Variants in UGT2A1 observed in about 807,000 individuals in gnomAD.
The protein encoded by UGT2A1 is UDP glucuronosyltransferase family 2 member A1 complex locus.
Under a neutral mutation model 45.4 loss-of-function variants are expected in UGT2A1, and 61 were observed. The ratio of observed to expected loss-of-function variants is 1.34; its 90% CI spans 1.09 to 1.66. The LOEUF (loss-of-function observed/expected upper bound fraction) is 1.66, where lower values mean the gene tolerates loss of function less well. Ranked by LOEUF, UGT2A1 falls within the 40% of genes most tolerant of loss-of-function variation. UGT2A1 has a pLI of 0.00. For missense variants in UGT2A1, 649 were observed against 574.3 expected (o/e 1.13, Z -1.33); for synonymous variants, 229 against 196.2 (o/e 1.17, Z -1.40).
At chr4:69,607,403 T>C (rs575455885) in intron 3 of UGT2A1, among the ~76,000 whole-genome samples, 1 of 151,856 alleles carries the variant, frequency 6.6e-6, no homozygotes, top group Non-Finnish European at 1.5e-5. Flanking sequence ...CCTTACACCT[T>C]ATACAAAAAT....
At chr4:69,627,150 A>G (rs1025738763) in intron 3 of UGT2A1, among the ~76,000 whole-genome samples, 1 of 151,916 alleles carries the variant, frequency 6.6e-6, no homozygotes, top group African/African-American at 2.4e-5. Flanking sequence ...AACATTTTCT[A>G]TTATCTATTT....
Position 69,609,214 on chromosome 4 carries a change from G to A in UGT2A1, c.848-9820C>T, listed in dbSNP as rs1021950326. Among the ~76,000 whole-genome samples, 16 of 150,426 alleles carry A rather than the reference G, an allele frequency of 1.1e-4. 1 individual carries two copies. The highest frequency in any genetic ancestry group is 7.3e-4 in the Admixed American group (11 of 15,062). ...GTCTTCCAGGCTGGAATGCAGTGGT[G>A]CCAACACAGCTCACTGCAGCCTTGA... On this transcript the variant is annotated intron_variant, in intron 3 of 6. Coordinates refer to ENST00000286604, the MANE Select transcript of UGT2A1 (RefSeq NM_001252275.3).
At chr4:69,641,617 A>C (rs1722052401) in intron 2 of UGT2A1, among the ~76,000 whole-genome samples, 2 of 151,988 alleles carry the variant, frequency 1.3e-5, no homozygotes, top group South Asian at 2.1e-4. Context: ...AAAAGCTTAA[A>C]TTTAGATGTA....
intron 3 of UGT2A1, among the ~76,000 whole-genome samples, chr4:69,623,960 G>A (rs936928007): frequency 2.0e-5 from 3 of 151,566 alleles, no homozygotes; most frequent in Non-Finnish European, 3.0e-5. Flanking sequence ...GCATCTTATA[G>A]ATTGTGAAAT....
chr4:69,621,905 C>T (rs1057377350), intron 3 of UGT2A1, among the ~76,000 whole-genome samples: 1 of 151,630 alleles, frequency 6.6e-6, no homozygotes, highest in Non-Finnish European at 1.5e-5. Flanking sequence ...CTAATGCAGA[C>T]ACAGAACACC....
intron 2 of UGT2A1, among the ~76,000 whole-genome samples, chr4:69,637,032 C>T (rs1202727453): frequency 6.6e-6 from 1 of 152,000 alleles, no homozygotes; most frequent in Non-Finnish European, 1.5e-5. Flanking sequence ...AATCACTATC[C>T]AATACATAGC....
chr4:69,623,494 T>TA (rs35302832), intron 3 of UGT2A1, among the ~76,000 whole-genome samples: 2 of 151,672 alleles, frequency 1.3e-5, no homozygotes, highest in African/African-American at 2.4e-5. Context: ...TGCATACATG[T>TA]AAAAAAATAG....
At chr4:69,625,210 AT>A (rs1720981695) in intron 3 of UGT2A1, among the ~76,000 whole-genome samples, 1 of 148,082 alleles carries the variant, frequency 6.8e-6, no homozygotes, top group Non-Finnish European at 1.5e-5. Flanking sequence ...TTTTCCTTCC[AT>A]TTTTCAGATT....
At chr4:69,593,977 G>T (rs2033800) in intron 6 of UGT2A1, among the ~76,000 whole-genome samples, 11,489 of 46,980 alleles carry the variant, frequency 0.24, 1,143 homozygotes, top group East Asian at 0.34. Flanking sequence ...CTTTTTTTTT[G>T]TTTGTTTTTT....
At chr4:69,607,658 G>T (rs1036758705) in intron 3 of UGT2A1, among the ~76,000 whole-genome samples, 9 of 152,044 alleles carry the variant, frequency 5.9e-5, no homozygotes, top group African/African-American at 2.2e-4. Flanking sequence ...GAAAATTTTT[G>T]CAATCTACTC....
chr4:69,639,613 G>T, intron 2 of UGT2A1: 1 of 1,598,592 alleles, frequency 6.3e-7, no homozygotes, highest in Non-Finnish European at 8.5e-7. Flanking sequence ...AACTTCTTAG[G>T]CATGGTAAAA....
chr4:69,634,566 T>G (rs1721572790), intron 3 of UGT2A1, among the ~76,000 whole-genome samples: 1 of 152,160 alleles, frequency 6.6e-6, no homozygotes, highest in Non-Finnish European at 1.5e-5. Flanking sequence ...GCTGTTTTTT[T>G]CTTAAGTTAA....
rs1720268851 is a variant in UGT2A1 at position 69,614,696 on chromosome 4, G to C, written c.848-15302C>G. Among the ~76,000 whole-genome samples, 7 of 152,090 alleles carry C rather than the reference G, an allele frequency of 4.6e-5. No individual in the cohort carries two copies. In the South Asian group the frequency reaches 1.5e-3, roughly 32 times the overall value. The stretch of plus-strand genomic sequence containing the variant: ...CTACAGTAAACTACCTTTCAACAAA[G>C]CTGCCAAATACATACATTGGGAAAG... On this transcript the variant is annotated intron_variant, in intron 3 of 6. Coordinates refer to ENST00000286604, the MANE Select transcript of UGT2A1 (RefSeq NM_001252275.3).
At chr4:69,624,075 G>A (rs561311753) in intron 3 of UGT2A1, among the ~76,000 whole-genome samples, 51 of 151,626 alleles carry the variant, frequency 3.4e-4, no homozygotes, top group African/African-American at 1.0e-3. Flanking sequence ...ATTACTGAGA[G>A]AGGACCATCA....
intron 1 of UGT2A1, among the ~76,000 whole-genome samples, chr4:69,648,264 A>G (rs1722373119): frequency 7.0e-6 from 1 of 143,042 alleles, no homozygotes; most frequent in Non-Finnish European, 1.5e-5. Flanking sequence ...ATAGTATTAT[A>G]TTACTACTTT....
In UGT2A1 at chr4:69,599,302, G is replaced by GT; in HGVS notation, c.939dup (p.Pro314ThrfsTer2). 1 of 1,613,794 alleles carries GT rather than the reference G, an allele frequency of 6.2e-7. No homozygotes were observed. Among genetic ancestry groups the GT allele is most frequent in the Non-Finnish European group, 8.5e-7 (1 of 1,179,918 alleles). ...AATCCTCCAACAAACTCAAAATTAGGTAAGTATGGACGAGGAAATTCAAAA... is the reference window on the plus strand; with the variant it reads ...AATCCTCCAACAAACTCAAAATTAGGTTAAGTATGGACGAGGAAATTCAAAA... On this transcript the variant is annotated frameshift_variant, in exon 4 of 7. Transcript: ENST00000286604. LOFTEE classifies it high-confidence loss of function.
intron 2 of UGT2A1, among the ~76,000 whole-genome samples, chr4:69,636,364 T>C (rs1267596701): frequency 1.3e-5 from 2 of 152,122 alleles, no homozygotes; most frequent in East Asian, 1.9e-4. Flanking sequence ...GCAAACAAAA[T>C]ACAAAATGGG....
intron 6 of UGT2A1, among the ~76,000 whole-genome samples, chr4:69,593,956 A>G (rs981285681): frequency 8.0e-5 from 12 of 150,932 alleles, no homozygotes; most frequent in South Asian, 4.2e-4. Context: ...TATTGAAATA[A>G]TATTTGAAGT....
intron 3 of UGT2A1, among the ~76,000 whole-genome samples, chr4:69,619,795 C>T (rs1054981531): frequency 6.6e-6 from 1 of 151,958 alleles, no homozygotes; most frequent in Non-Finnish European, 1.5e-5. Context: ...TATCTAAAAG[C>T]TAATCCATGA....
Sources: allele counts gnomAD v4.1 joint callset (sites outside exome capture counted in the v4.1 genomes callset), GRCh38; gene constraint gnomAD v4.1.1; transcripts MANE v1.5; gene names NCBI Gene and HGNC (gene_info 2026-07-23, HGNC 2026-07-21).